Variants in NXPH2 observed in about 807,000 individuals in gnomAD.
NXPH2 encodes neurexophilin 2.
NXPH2 carries 5 observed loss-of-function variants against 19.8 expected under a neutral mutation model. That is an observed-to-expected ratio of 0.25 (90% confidence interval 0.13 to 0.53). NXPH2 has a LOEUF of 0.53. Ranked by LOEUF, NXPH2 falls within the 20% of genes least tolerant of loss-of-function variation. NXPH2 has a pLI of 0.96. For synonymous variants in NXPH2, 154 were observed against 127.4 expected, an observed-to-expected ratio of 1.21 and a Z score of -1.41; for missense variants, 289 against 322.8, an observed-to-expected ratio of 0.90 and a Z score of 0.80.
intron 1 of NXPH2, among the ~76,000 whole-genome samples, chr2:138,765,244 G>A (rs2104841137): frequency 6.6e-6 from 1 of 152,316 alleles, no homozygotes; most frequent in East Asian, 1.9e-4. Context: ...GAAGGGTACA[G>A]AAGCCTATGT....
intron 1 of NXPH2, among the ~76,000 whole-genome samples, chr2:138,766,813 C>T (rs922385690): frequency 2.0e-5 from 3 of 152,082 alleles, no homozygotes; most frequent in African/African-American, 2.4e-5. Flanking sequence ...GGTCAAAATG[C>T]TTTTTCCACA....
intron 1 of NXPH2, among the ~76,000 whole-genome samples, chr2:138,710,853 C>G (rs1479655577): frequency 2.6e-5 from 4 of 152,122 alleles, no homozygotes; most frequent in South Asian, 2.1e-4. Flanking sequence ...ATCTAAACCA[C>G]CCATGCCAAA....
intron 1 of NXPH2, among the ~76,000 whole-genome samples, chr2:138,756,657 C>T (rs1681913683): frequency 6.6e-6 from 1 of 151,994 alleles, no homozygotes; most frequent in South Asian, 2.1e-4. Context: ...GTGGAGGTGG[C>T]ATAAATACGT....
At chr2:138,733,234 G>C (rs1681478696) in intron 1 of NXPH2, among the ~76,000 whole-genome samples, 1 of 152,166 alleles carries the variant, frequency 6.6e-6, no homozygotes, top group Non-Finnish European at 1.5e-5. Flanking sequence ...AGATCCCTTA[G>C]TATGAATGGT....
chr2:138,683,255 T>G (rs1286055777), intron 1 of NXPH2, among the ~76,000 whole-genome samples: 1 of 152,168 alleles, frequency 6.6e-6, no homozygotes, highest in Admixed American at 6.6e-5. Flanking sequence ...CTTTCATCAT[T>G]CAAGTTTTCA....
At chr2:138,739,242 C>A (rs10754927) in intron 1 of NXPH2, among the ~76,000 whole-genome samples, 2 of 152,176 alleles carry the variant, frequency 1.3e-5, no homozygotes, top group Non-Finnish European at 2.9e-5. Context: ...CCACATTAGA[C>A]TAATACACTA....
chr2:138,733,854 C>A (rs935674281), intron 1 of NXPH2, among the ~76,000 whole-genome samples: 1 of 152,054 alleles, frequency 6.6e-6, no homozygotes, highest in African/African-American at 2.4e-5. Context: ...AAAACAAAGT[C>A]AGGGATAGTG....
At chr2:138,711,158 T>TTTTTTTTTTTTTA (rs1681100722) in intron 1 of NXPH2, among the ~76,000 whole-genome samples, 1 of 147,692 alleles carries the variant, frequency 6.8e-6, no homozygotes, top group Non-Finnish European at 1.5e-5. Context: ...TTTTTTTTTT[T>TTTTTTTTTTTTTA]GAGATTGAGT....
intron 1 of NXPH2, among the ~76,000 whole-genome samples, chr2:138,769,737 G>A (rs1682146755): frequency 1.3e-5 from 2 of 152,086 alleles, no homozygotes; most frequent in South Asian, 4.1e-4. Context: ...AAAGCTCGTG[G>A]GGTTTTGGAT....
At chr2:138,687,714 T>C (rs1680682773) in intron 1 of NXPH2, among the ~76,000 whole-genome samples, 2 of 152,346 alleles carry the variant, frequency 1.3e-5, no homozygotes, top group Middle Eastern at 3.4e-3. Flanking sequence ...TTAATTTTTG[T>C]ATAAGGTGTA....
At chr2:138,700,774 C>T (rs926151884) in intron 1 of NXPH2, among the ~76,000 whole-genome samples, 20 of 151,928 alleles carry the variant, frequency 1.3e-4, no homozygotes, top group Admixed American at 6.6e-5. Context: ...TGAGAGATTT[C>T]GCTTTACATT....
chr2:138,744,500 C>G (rs1035536908), intron 1 of NXPH2, among the ~76,000 whole-genome samples: 2 of 151,820 alleles, frequency 1.3e-5, no homozygotes, highest in Admixed American at 6.6e-5. Context: ...TCTTTTGGAC[C>G]AATATTTTCT....
chr2:138,686,936 T>G (rs2104973086), intron 1 of NXPH2, among the ~76,000 whole-genome samples: 1 of 152,354 alleles, frequency 6.6e-6, no homozygotes, highest in Non-Finnish European at 1.5e-5. Flanking sequence ...CCACATTTTC[T>G]TAATCCAGTC....
At chr2:138,745,943 C>T (rs748188235) in intron 1 of NXPH2, among the ~76,000 whole-genome samples, 6 of 152,172 alleles carry the variant, frequency 3.9e-5, no homozygotes, top group South Asian at 2.1e-4. Flanking sequence ...GGTGATAACA[C>T]GGCTGGTGGC....
chr2:138,715,051 T>C (rs959977963), intron 1 of NXPH2, among the ~76,000 whole-genome samples: 1 of 152,188 alleles, frequency 6.6e-6, no homozygotes, highest in African/African-American at 2.4e-5. Flanking sequence ...TCATGAGTGA[T>C]GGATGCATTG....
rs150016912 is a variant in NXPH2 at position 138,765,846 on chromosome 2, G to A, written c.51+14345C>T. Among the ~76,000 whole-genome samples the A allele has an allele frequency of 1.6e-3, 238 of 152,232 alleles. 3 individuals carry two copies. The East Asian group carries it at 0.04, about 25-fold the overall frequency. Reference sequence around the variant, plus strand: ...GCATGTCAAGTGTGATGTAGTTCACGTTTTTATTAACCAACCAATATTTGT... The same window carrying A: ...GCATGTCAAGTGTGATGTAGTTCACATTTTTATTAACCAACCAATATTTGT... On this transcript the variant is annotated intron_variant, in intron 1 of 1. Transcript: ENST00000272641.
chr2:138,710,225 G>T (rs369263158), intron 1 of NXPH2, among the ~76,000 whole-genome samples: 1 of 152,072 alleles, frequency 6.6e-6, no homozygotes, highest in Non-Finnish European at 1.5e-5. Context: ...TGTCCATGCC[G>T]TAAATATATC....
intron 1 of NXPH2, among the ~76,000 whole-genome samples, chr2:138,749,036 T>C (rs997412938): frequency 3.3e-5 from 5 of 152,190 alleles, no homozygotes; most frequent in African/African-American, 1.2e-4. Flanking sequence ...TCATTAGTGA[T>C]ATTGTTAGGC....
At chr2:138,688,496 T>A (rs1184456015) in intron 1 of NXPH2, among the ~76,000 whole-genome samples, 5 of 152,160 alleles carry the variant, frequency 3.3e-5, no homozygotes, top group Admixed American at 6.5e-5. Context: ...CATCTTTTTT[T>A]AAAGTCTTTA....
Sources: allele counts gnomAD v4.1 joint callset (sites outside exome capture counted in the v4.1 genomes callset), GRCh38; gene constraint gnomAD v4.1.1; transcripts MANE v1.5; gene names NCBI Gene and HGNC (gene_info 2026-07-23, HGNC 2026-07-21).